The following GNAQ variants were observed in gnomAD, a reference collection of about 807,000 sequenced individuals.
GNAQ encodes the protein G protein subunit alpha q, also known as guanine nucleotide-binding protein G(q) subunit alpha.
Under a neutral mutation model 43.9 loss-of-function variants are expected in GNAQ, and 8 were observed. The ratio of observed to expected loss-of-function variants is 0.18; its 90% CI spans 0.11 to 0.33. The LOEUF (loss-of-function observed/expected upper bound fraction) is 0.33. Ranked by LOEUF, GNAQ falls within the 10% of genes least tolerant of loss-of-function variation. The pLI is 1.00. For missense variants in GNAQ, 158 were observed against 450.8 expected (o/e 0.35, Z 5.88); for synonymous variants, 155 against 170.7 (o/e 0.91, Z 0.71).
intron 2 of GNAQ, among the ~76,000 whole-genome samples, chr9:77,880,565 T>TG (rs72438199): frequency 0.012 from 1,835 of 150,016 alleles, 27 homozygotes; most frequent in African/African-American, 0.029. Context: ...GTTTTTTTTT[T>TG]TTTGTTTTTT....
chr9:77,781,386 A>C (rs1001470777), intron 5 of GNAQ, among the ~76,000 whole-genome samples: 2 of 152,118 alleles, frequency 1.3e-5, no homozygotes, highest in Non-Finnish European at 2.9e-5. Flanking sequence ...ACTTTGTCAA[A>C]AATCAGTTGG....
At chr9:77,900,780 G>GT (rs1828596252) in intron 2 of GNAQ, among the ~76,000 whole-genome samples, 1 of 151,940 alleles carries the variant, frequency 6.6e-6, no homozygotes, top group African/African-American at 2.4e-5. Context: ...GCAGAAGACC[G>GT]TACCAGTTCA....
chr9:77,796,524 ATTGT>A (rs1292991060), intron 4 of GNAQ, among the ~76,000 whole-genome samples: 2 of 152,228 alleles, frequency 1.3e-5, no homozygotes, highest in Admixed American at 6.5e-5. Flanking sequence ...GTACATCAGT[ATTGT>A]TTATTTTTTC....
chr9:77,832,136 T>C (rs1006229406), intron 2 of GNAQ, among the ~76,000 whole-genome samples: 1 of 151,890 alleles, frequency 6.6e-6, no homozygotes, highest in Non-Finnish European at 1.5e-5. Context: ...TTCTCCATAC[T>C]GTACCCATCA....
At chr9:77,817,939 A>G (rs1827046321) in intron 2 of GNAQ, among the ~76,000 whole-genome samples, 1 of 152,164 alleles carries the variant, frequency 6.6e-6, no homozygotes, top group African/African-American at 2.4e-5. Flanking sequence ...TAAACATGGC[A>G]CTTTTTAAAA....
In GNAQ at chr9:77,862,633, T is replaced by C. The variant is rs552066339; in HGVS notation, c.322-46863A>G. On this transcript the variant is annotated intron_variant, in intron 2 of 6. Transcript: ENST00000286548. ...CCCTCCTAAACCTCCAGGTTTGTTA[T>C]AGGAGAGGGTGCTGAAAAGGTCTCT... is the stretch of plus-strand genomic sequence containing the variant. Among the ~76,000 whole-genome samples the C allele has an allele frequency of 5.3e-5, 8 of 152,322 alleles. No homozygotes were observed. The South Asian group carries it at 1.4e-3, about 28-fold the overall frequency.
intron 1 of GNAQ, among the ~76,000 whole-genome samples, chr9:78,016,574 G>A (rs920806830): frequency 2.6e-5 from 4 of 151,954 alleles, no homozygotes; most frequent in Non-Finnish European, 5.9e-5. Flanking sequence ...CCAGCTACTC[G>A]GGAGGGCTGA....
At chr9:77,944,455 C>G (rs1448943520) in intron 1 of GNAQ, among the ~76,000 whole-genome samples, 2 of 152,042 alleles carry the variant, frequency 1.3e-5, no homozygotes, top group African/African-American at 4.8e-5. Context: ...CCCCATATAT[C>G]CTCTTTAGAC....
intron 2 of GNAQ, among the ~76,000 whole-genome samples, chr9:77,911,396 C>T (rs1421629170): frequency 6.6e-6 from 1 of 152,132 alleles, no homozygotes; most frequent in Non-Finnish European, 1.5e-5. Context: ...TACAGTTGCA[C>T]CTGTGCTTAA....
intron 5 of GNAQ, among the ~76,000 whole-genome samples, chr9:77,740,315 A>G (rs1825633372): frequency 6.6e-6 from 1 of 152,174 alleles, no homozygotes; most frequent in African/African-American, 2.4e-5. Flanking sequence ...TCCACACTGA[A>G]GTTCTTTTCT....
At chr9:77,756,433 C>T (rs1825904767) in intron 5 of GNAQ, among the ~76,000 whole-genome samples, 1 of 152,212 alleles carries the variant, frequency 6.6e-6, no homozygotes, top group African/African-American at 2.4e-5. Flanking sequence ...CTCCTTTGTC[C>T]TCTAGGAGAA....
intron 1 of GNAQ, among the ~76,000 whole-genome samples, chr9:78,006,081 G>A (rs966130041): frequency 3.9e-5 from 6 of 152,122 alleles, no homozygotes; most frequent in Admixed American, 3.3e-4. Context: ...TGGATTCCTG[G>A]AACGTGAGTT....
At chr9:77,751,815 CAAAA>C (rs532527348) in intron 5 of GNAQ, among the ~76,000 whole-genome samples, 125 of 150,066 alleles carry the variant, frequency 8.3e-4, no homozygotes, top group African/African-American at 2.4e-3. Flanking sequence ...AACAAACAAA[CAAAA>C]AAAACAAACG....
At chr9:77,959,213 C>G (rs1351799972) in intron 1 of GNAQ, among the ~76,000 whole-genome samples, 1 of 152,156 alleles carries the variant, frequency 6.6e-6, no homozygotes, top group African/African-American at 2.4e-5. Flanking sequence ...TTTTTCTGTT[C>G]TACTCACATT....
chr9:77,722,565 A>G (rs1426036992), intron 6 of GNAQ, among the ~76,000 whole-genome samples: 1 of 152,114 alleles, frequency 6.6e-6, no homozygotes, highest in Non-Finnish European at 1.5e-5. Flanking sequence ...GGATTCTTAG[A>G]TATGACACCA....
intron 1 of GNAQ, among the ~76,000 whole-genome samples, chr9:77,963,058 C>T (rs1449111883): frequency 6.6e-6 from 1 of 151,990 alleles, no homozygotes; most frequent in African/African-American, 2.4e-5. Flanking sequence ...TTGAAAAACG[C>T]CACTATCAGA....
chr9:77,868,396 T>C (rs564631187), intron 2 of GNAQ, among the ~76,000 whole-genome samples: 2 of 152,312 alleles, frequency 1.3e-5, no homozygotes, highest in South Asian at 4.1e-4. Context: ...TGTGGCATGG[T>C]TTGATTAATG....
chr9:77,873,553 T>C (rs1024383296), intron 2 of GNAQ, among the ~76,000 whole-genome samples: 2 of 151,770 alleles, frequency 1.3e-5, no homozygotes, highest in Admixed American at 1.3e-4. Flanking sequence ...TCCTGAGAAA[T>C]AATAAGGAAG....
At chr9:77,887,129 A>T (rs1294604231) in intron 2 of GNAQ, among the ~76,000 whole-genome samples, 2 of 117,026 alleles carry the variant, frequency 1.7e-5, no homozygotes, top group Non-Finnish European at 3.8e-5. Flanking sequence ...CTCTAAAATA[A>T]AATAAAGTAA....
Sources: allele counts gnomAD v4.1 joint callset (sites outside exome capture counted in the v4.1 genomes callset), GRCh38; gene constraint gnomAD v4.1.1; transcripts MANE v1.5; gene names NCBI Gene and HGNC (gene_info 2026-07-23, HGNC 2026-07-21).